Variants in ITSN1 observed in about 807,000 individuals in gnomAD.
ITSN1 encodes the protein intersectin-1.
A neutral mutation model predicts 239.8 loss-of-function variants in ITSN1; 58 were observed. The ratio of observed to expected loss-of-function variants is 0.24; its 90% CI spans 0.20 to 0.30. ITSN1 has a LOEUF of 0.30. ITSN1 is among the 10% of genes least tolerant of loss of function. The pLI, the probability that ITSN1 is intolerant of heterozygous loss-of-function variation, is 1.00. For missense variants in ITSN1, 1,558 were observed against 2,103.3 expected (o/e 0.74, Z 5.07); for synonymous variants, 780 against 770.8 (o/e 1.01, Z -0.20).
At chr21:33,702,115 T>G (rs374149683) in intron 1 of ITSN1, among the ~76,000 whole-genome samples, 13 of 986 alleles carry the variant, frequency 0.013, no homozygotes, top group East Asian at 0.05. Context: ...TTTTTTTTTT[T>G]TTTTTTTTTT....
At chr21:33,784,131 A>G (rs1369641350) in intron 16 of ITSN1, among the ~76,000 whole-genome samples, 1 of 151,948 alleles carries the variant, frequency 6.6e-6, no homozygotes, top group Non-Finnish European at 1.5e-5. Flanking sequence ...TTTAATTTTA[A>G]TTTTGGCTTT....
At chr21:33,706,817 G>T (rs2092266069) in intron 1 of ITSN1, among the ~76,000 whole-genome samples, 1 of 152,016 alleles carries the variant, frequency 6.6e-6, no homozygotes, top group African/African-American at 2.4e-5. Flanking sequence ...CTGCCTTCTG[G>T]GTTCAAGTGA....
chr21:33,795,010 A>T (rs551658251), intron 17 of ITSN1, among the ~76,000 whole-genome samples: 1 of 152,344 alleles, frequency 6.6e-6, no homozygotes, highest in East Asian at 1.9e-4. Context: ...TTTTACTTGT[A>T]ACTTACTGTA....
At position 33,680,316 on chromosome 21, in the gene ITSN1, T is replaced by C. The variant is rs1001275781; in HGVS notation, c.-33+37603T>C. Reference sequence around the variant, plus strand: ...GTTTTCATTGGTGCCGTATTTTCTTTTTCTTTCTTTTCTTTTTTCTTTTTT... The same window carrying C: ...GTTTTCATTGGTGCCGTATTTTCTTCTTCTTTCTTTTCTTTTTTCTTTTTT... On this transcript the variant is annotated intron_variant, in intron 1 of 39. Coordinates refer to ENST00000381318, the MANE Select transcript of ITSN1 (RefSeq NM_003024.3). 7.3e-5 allele frequency among the ~76,000 whole-genome samples: 11 copies of C among 150,442 alleles called. No homozygotes were observed. In the East Asian group the frequency reaches 9.7e-4, roughly 13 times the overall value.
At chr21:33,683,182 C>T (rs1415290231) in intron 1 of ITSN1, among the ~76,000 whole-genome samples, 6 of 151,450 alleles carry the variant, frequency 4.0e-5, no homozygotes, top group Non-Finnish European at 8.8e-5. Flanking sequence ...GGGAATCAGG[C>T]GCTGACTTTT....
At chr21:33,873,259 G>C (rs886740208) in intron 33 of ITSN1, among the ~76,000 whole-genome samples, 1 of 152,212 alleles carries the variant, frequency 6.6e-6, no homozygotes, top group African/African-American at 2.4e-5. Flanking sequence ...TATGCCTTTG[G>C]GATAAGATAT....
chr21:33,693,564 T>C lies in ITSN1; in HGVS notation c.-32-25233T>C, dbSNP rs556067475. Among the ~76,000 whole-genome samples the C allele has an allele frequency of 9.0e-4, 137 of 151,638 alleles. 2 individuals are homozygous for C. In the South Asian group the frequency reaches 0.028, roughly 31 times the overall value. ...TGGGGACAGGGTTTCACTATGTTGG[T>C]CAGGCTGGTCTTGAACTCCTGACCT... is the stretch of plus-strand genomic sequence containing the variant. On this transcript the variant is annotated intron_variant, in intron 1 of 39. Coordinates refer to ENST00000381318, the MANE Select transcript of ITSN1 (RefSeq NM_003024.3).
intron 22 of ITSN1, chr21:33,817,435 A>G (rs1401716553): frequency 7.7e-7 from 1 of 1,304,382 alleles, no homozygotes; most frequent in Non-Finnish European, 1.0e-6. Context: ...CCCCTCTGTG[A>G]AATTTACGCT....
chr21:33,878,832 C>A (rs1297135011), intron 34 of ITSN1, among the ~76,000 whole-genome samples: 1 of 152,166 alleles, frequency 6.6e-6, no homozygotes, highest in African/African-American at 2.4e-5. Context: ...CAGTACTAAA[C>A]CCTGGGACAT....
At chr21:33,701,211 G>A (rs952491567) in intron 1 of ITSN1, among the ~76,000 whole-genome samples, 2 of 152,048 alleles carry the variant, frequency 1.3e-5, no homozygotes, top group Non-Finnish European at 2.9e-5. Flanking sequence ...CAATCCTTCC[G>A]CCCTAGACTC....
intron 1 of ITSN1, among the ~76,000 whole-genome samples, chr21:33,668,447 A>T (rs1259107605): frequency 1.3e-5 from 2 of 152,108 alleles, no homozygotes; most frequent in Admixed American, 6.6e-5. Context: ...TTGTCAGGAG[A>T]TCTGCACTGG....
intron 27 of ITSN1, among the ~76,000 whole-genome samples, chr21:33,831,111 T>C (rs1181279871): frequency 6.6e-6 from 1 of 152,194 alleles, no homozygotes; most frequent in Admixed American, 6.5e-5. Context: ...CAGCTGACTT[T>C]TCATACAGAA....
rs1986767647 is a variant in ITSN1 at position 33,896,101 on chromosome 21, A to G, written c.*7801A>G. 6.6e-6 allele frequency: 1 copy of G among 152,324 alleles called. No individual in the cohort carries two copies. Among genetic ancestry groups the G allele is most frequent in the African/African-American group, 2.4e-5 (1 of 41,450 alleles). 9.4% of individuals were successfully genotyped at this position (152,324 alleles called of 1,614,324 possible). ...GCAGGCTGTGGCAAGCTGCGCGGATACACTTTTCTAAACGTCTGCATTTAT... is the reference window on the plus strand; with the variant it reads ...GCAGGCTGTGGCAAGCTGCGCGGATGCACTTTTCTAAACGTCTGCATTTAT... On this transcript the variant is annotated 3_prime_UTR_variant, in exon 40 of 40. Coordinates refer to ENST00000381318, the MANE Select transcript of ITSN1 (RefSeq NM_003024.3).
intron 21 of ITSN1, among the ~76,000 whole-genome samples, chr21:33,811,792 G>A (rs1041743440): frequency 3.3e-5 from 5 of 152,284 alleles, no homozygotes; most frequent in African/African-American, 1.2e-4. Flanking sequence ...TGTAAGCAGA[G>A]GTTTGAAATG....
rs2067566661 is a variant in ITSN1 at position 33,751,709 on chromosome 21, T to C, written c.527-101T>C. The C allele has an allele frequency of 1.7e-5, 15 of 875,278 alleles. 1 individual carries two copies. The South Asian group carries it at 1.8e-4, about 11-fold the overall frequency. The allele number at this position is 875,278 out of a possible 1,614,324, so 54.2% of individuals were successfully genotyped here. On this transcript the variant is annotated intron_variant, in intron 6 of 39. Transcript: ENST00000381318. Reference sequence around the variant, plus strand: ...CTAGGCTGGCAAGAAGGGGGAATTATTTCTGCCTCAGATTTGTTGACTGTG... The same window carrying C: ...CTAGGCTGGCAAGAAGGGGGAATTACTTCTGCCTCAGATTTGTTGACTGTG...
intron 1 of ITSN1, among the ~76,000 whole-genome samples, chr21:33,694,642 G>A (rs745493187): frequency 1.6e-4 from 25 of 151,968 alleles, no homozygotes; most frequent in Non-Finnish European, 3.4e-4. Flanking sequence ...CCAACATGGC[G>A]AAACCCCGTC....
chr21:33,820,540 A>G (rs1437739308), intron 24 of ITSN1, among the ~76,000 whole-genome samples: 2 of 152,232 alleles, frequency 1.3e-5, no homozygotes, highest in African/African-American at 4.8e-5. Flanking sequence ...TTATTAAAAC[A>G]GCTGTTTTAG....
chr21:33,735,614 A>G (rs1295341791), intron 5 of ITSN1: 1 of 222,222 alleles, frequency 4.5e-6, no homozygotes, highest in East Asian at 1.4e-4. Context: ...AAATATATAT[A>G]TTTTGAATCA....
chr21:33,669,344 A>C (rs1266878460), intron 1 of ITSN1, among the ~76,000 whole-genome samples: 1 of 152,164 alleles, frequency 6.6e-6, no homozygotes, highest in East Asian at 1.9e-4. Flanking sequence ...TGGCCTCCCA[A>C]AGTGCTGAGA....
Sources: gnomAD v4.1 joint callset for allele counts (sites outside exome capture counted in the v4.1 genomes callset) on GRCh38, gnomAD v4.1.1 for gene constraint, MANE v1.5 for transcripts, NCBI Gene and HGNC (gene_info 2026-07-23, HGNC 2026-07-21) for gene names.